Variants in RASGEF1C observed in about 807,000 individuals in gnomAD.
RASGEF1C encodes RasGEF domain family member 1C, also known as ras-GEF domain-containing family member 1C.
Under a neutral mutation model 58.1 loss-of-function variants are expected in RASGEF1C, and 27 were observed. The observed-to-expected ratio is 0.46, with a 90% confidence interval of 0.34 to 0.64. RASGEF1C has a LOEUF of 0.64. Ranked by LOEUF, RASGEF1C falls within the 30% of genes least tolerant of loss-of-function variation. RASGEF1C has a pLI of 0.01. For synonymous variants in RASGEF1C, 243 were observed against 246.3 expected (o/e 0.99, Z 0.13); for missense variants, 502 against 605.1 (o/e 0.83, Z 1.79).
intron 1 of RASGEF1C, among the ~76,000 whole-genome samples, chr5:180,207,623 C>CTCTCTCGCCTGTCCG (rs1453373958): frequency 4.0e-5 from 2 of 50,518 alleles, no homozygotes; most frequent in East Asian, 1.1e-3. Flanking sequence ...CAGCCCGTCC[C>CTCTCTCGCCTGTCCG]TCTCTCGCCT....
rs1297749608 is a variant in RASGEF1C at position 180,119,365 on chromosome 5, G to A, written c.888C>T (p.Asn296=). The change falls in exon 8 of 14, where the codon AAC becomes AAT. Residue 296 remains asparagine, a synonymous_variant. Coordinates refer to ENST00000361132, the MANE Select transcript of RASGEF1C (RefSeq NM_175062.4). Reference sequence around the variant, plus strand: ...ACTCACAGATGATGGCCATGAGGGAGTTGAAGTTGCCGATGTTGAAGCACT... The same window carrying A: ...ACTCACAGATGATGGCCATGAGGGAATTGAAGTTGCCGATGTTGAAGCACT... ...ARECFNIGNF[N]SLMAIISGMN... The A allele has an allele frequency of 6.2e-7, 1 of 1,614,060 alleles. No individual in the cohort carries two copies.
intron 1 of RASGEF1C, among the ~76,000 whole-genome samples, chr5:180,152,568 TGGGGGGA>T (rs1257628725): frequency 5.6e-5 from 2 of 35,804 alleles, no homozygotes; most frequent in African/African-American, 2.1e-4. Flanking sequence ...TGTTGTGGGG[TGGGGGGA>T]GGGGGGAGGG....
intron 12 of RASGEF1C, among the ~76,000 whole-genome samples, chr5:180,104,191 G>A (rs1386853762): frequency 2.0e-5 from 3 of 152,122 alleles, no homozygotes; most frequent in Non-Finnish European, 4.4e-5. Flanking sequence ...GGGTTTGAAT[G>A]TTTGTGCCCT....
rs530723286 is a variant in RASGEF1C at position 180,175,887 on chromosome 5, C to T, written c.-7+33141G>A. ...CCTGTAGTCCCAGCTACTCGGGAGG[C>T]TGAGGCAGGAGAATGGCGTGAACCC... On this transcript the variant is annotated intron_variant, in intron 1 of 13. Coordinates refer to ENST00000361132, the MANE Select transcript of RASGEF1C (RefSeq NM_175062.4). 2.4e-4 allele frequency among the ~76,000 whole-genome samples: 37 copies of T among 152,310 alleles called. No individual in the cohort carries two copies. In the East Asian group the frequency reaches 6.8e-3, roughly 28 times the overall value.
rs776185513 is a variant in RASGEF1C at position 180,165,670 on chromosome 5, C to CA, written c.-6-27613dup. On this transcript the variant is annotated intron_variant, in intron 1 of 13. Transcript: ENST00000361132. ...TGGGCAACAGAGCGAAACTCTGTCT[C>CA]AAAAAAAAAAAAAATTCTTGTTCCC... 1.0e-2 allele frequency among the ~76,000 whole-genome samples: 681 copies of CA among 68,442 alleles called. 6 individuals carry two copies. The highest frequency in any genetic ancestry group is 0.024 in the African/African-American group (546 of 22,504). The allele number at this position is 68,442 out of a possible 152,430, so 44.9% of individuals were successfully genotyped here. A position where few individuals can be genotyped will look rare whatever the true frequency, so the allele number is the denominator to read the frequency against.
chr5:180,159,439 CTTAACAAGTTTTATTTAAAGTT>C (rs1222423573), intron 1 of RASGEF1C, among the ~76,000 whole-genome samples: 1 of 152,204 alleles, frequency 6.6e-6, no homozygotes, highest in Non-Finnish European at 1.5e-5. Flanking sequence ...CGTGCCCGGC[CTTAACAAGTTTTATTTAAAGTT>C]TTCTTCTTCC....
chr5:180,162,238 T>G (rs1258230518), intron 1 of RASGEF1C, among the ~76,000 whole-genome samples: 1 of 152,208 alleles, frequency 6.6e-6, no homozygotes, highest in Non-Finnish European at 1.5e-5. Flanking sequence ...ATTGTCTGCT[T>G]GTCTCTAGCC....
At chr5:180,148,058 A>C (rs2113288407) in intron 1 of RASGEF1C, among the ~76,000 whole-genome samples, 1 of 152,188 alleles carries the variant, frequency 6.6e-6, no homozygotes, top group Non-Finnish European at 1.5e-5. Flanking sequence ...ATAATTGTTA[A>C]GTCTTCTTGC....
intron 6 of RASGEF1C, 146 bp from the exon 7 acceptor site, chr5:180,121,295 G>A (rs1383789903): frequency 1.8e-5 from 11 of 603,200 alleles, no homozygotes; most frequent in Non-Finnish European, 3.0e-5. Flanking sequence ...TGGTATGTAC[G>A]CTTTCAGTCC....
intron 1 of RASGEF1C, among the ~76,000 whole-genome samples, chr5:180,200,332 T>C (rs376692457): frequency 0.07 from 8,472 of 121,706 alleles, 671 homozygotes; most frequent in Non-Finnish European, 0.12. Flanking sequence ...TTTTTTGAGA[T>C]AGAGTCCTGC....
chr5:180,105,532 A>C (rs1182570843), intron 12 of RASGEF1C, among the ~76,000 whole-genome samples: 1 of 150,452 alleles, frequency 6.6e-6, no homozygotes. Context: ...ACTGCACTCC[A>C]TCCTGGGTGA....
intron 6 of RASGEF1C, among the ~76,000 whole-genome samples, chr5:180,121,949 C>A (rs1766184077): frequency 6.6e-6 from 1 of 152,108 alleles, no homozygotes. Flanking sequence ...AGAAAGGCCC[C>A]CAAGCATGGT....
At chr5:180,101,804 G>A (rs1487595408) in intron 13 of RASGEF1C, among the ~76,000 whole-genome samples, 2 of 152,200 alleles carry the variant, frequency 1.3e-5, no homozygotes, top group Non-Finnish European at 2.9e-5. Flanking sequence ...CTGTCCCTGG[G>A]ACATGCATCT....
rs1009918027 is a variant in RASGEF1C at position 180,198,221 on chromosome 5, C to T, written c.-7+10807G>A. On this transcript the variant is annotated intron_variant, in intron 1 of 13. Transcript: ENST00000361132. The surrounding 1 kb of genome is among the most constrained non-coding windows in gnomAD (Gnocchi z 4.5). ...TTCTGCAGGCCCCAGCCCCAGACAG[C>T]GCCACCCAGCAGAAGAGGACCAGGA... Among the ~76,000 whole-genome samples, 2 of 152,172 alleles carry T rather than the reference C, an allele frequency of 1.3e-5. No individual in the cohort carries two copies. Among genetic ancestry groups the T allele is most frequent in the African/African-American group, 4.8e-5 (2 of 41,432 alleles).
intron 1 of RASGEF1C, among the ~76,000 whole-genome samples, chr5:180,142,140 T>C (rs557376031): frequency 6.6e-6 from 1 of 152,196 alleles, no homozygotes; most frequent in Admixed American, 6.5e-5. Context: ...TCAGCATGGA[T>C]GGGGAACGTT....
At chr5:180,181,122 C>A (rs568711019) in intron 1 of RASGEF1C, among the ~76,000 whole-genome samples, 1 of 152,338 alleles carries the variant, frequency 6.6e-6, no homozygotes, top group Non-Finnish European at 1.5e-5. Flanking sequence ...TGGGGCTCTG[C>A]CCCTCCCATC....
chr5:180,128,355 A>G, intron 5 of RASGEF1C, 55 bp downstream of exon 5: 1 of 1,481,442 alleles, frequency 6.8e-7, no homozygotes, highest in African/African-American at 1.4e-5. Context: ...GGCACAGTGT[A>G]TCTGTGTGTG....
At chr5:180,107,418 C>T (rs958766170) in intron 12 of RASGEF1C, among the ~76,000 whole-genome samples, 2 of 151,686 alleles carry the variant, frequency 1.3e-5, no homozygotes, top group Admixed American at 6.6e-5. Context: ...ATAGTTAATT[C>T]CTGAAGGATG....
intron 8 of RASGEF1C, 47 bp downstream of exon 8, chr5:180,119,299 C>CG: frequency 6.6e-7 from 1 of 1,509,214 alleles, no homozygotes; most frequent in Admixed American, 1.7e-5. Flanking sequence ...TCCGGCCTCT[C>CG]GGGGGACCCG....
Sources: allele counts gnomAD v4.1 joint callset (sites outside exome capture counted in the v4.1 genomes callset), GRCh38; gene constraint gnomAD v4.1.1; non-coding constraint Gnocchi (gnomAD v3.1); transcripts MANE v1.5; gene names NCBI Gene and HGNC (gene_info 2026-07-23, HGNC 2026-07-21).